CACNA2D3: variants seen among roughly 807,000 people sequenced by gnomAD.
CACNA2D3 encodes the protein voltage-dependent calcium channel subunit alpha-2/delta-3.
Under a neutral mutation model 160.6 loss-of-function variants are expected in CACNA2D3, and 60 were observed. That is an observed-to-expected ratio of 0.37 (90% CI 0.30 to 0.46). The LOEUF is 0.46. CACNA2D3 is among the 20% of genes least tolerant of loss of function. CACNA2D3 has a pLI of 1.00. For missense variants in CACNA2D3, 1,205 were observed against 1,365.0 expected (o/e 0.88, Z 1.85); for synonymous variants, 558 against 492.9 (o/e 1.13, Z -1.75).
At chr3:54,868,477 T>G (rs1237059942) in intron 17 of CACNA2D3, among the ~76,000 whole-genome samples, 1 of 152,196 alleles carries the variant, frequency 6.6e-6, no homozygotes, top group Non-Finnish European at 1.5e-5. Flanking sequence ...TCCAAGTATC[T>G]TGAATACCTT....
At chr3:54,924,644 G>T in intron 27 of CACNA2D3, 1 of 1,613,954 alleles carries the variant, frequency 6.2e-7, no homozygotes, top group African/African-American at 1.3e-5. Flanking sequence ...TCTCCAGCCA[G>T]AGTTTAAGAC....
intron 16 of CACNA2D3, among the ~76,000 whole-genome samples, chr3:54,844,320 A>G (rs1698886674): frequency 6.6e-6 from 1 of 152,124 alleles, no homozygotes; most frequent in South Asian, 2.1e-4. Context: ...AGGGATTTCC[A>G]TGGCATATTT....
In CACNA2D3 at chr3:54,387,658, A is replaced by ATAAATAAG. The variant is rs148311842; in HGVS notation, c.381+887_381+888insATAAGTAA. ...CAGAGTGAGAGTCTGTCTCAAATAA[A>ATAAATAAG]TAAGTAAGTAAGTAAGTAAGTAAGT... On this transcript the variant is annotated intron_variant, in intron 4 of 37. Transcript: ENST00000474759. Among the ~76,000 whole-genome samples, 970 of 151,260 alleles carry ATAAATAAG rather than the reference A, an allele frequency of 6.4e-3. 10 individuals are homozygous for ATAAATAAG. Among genetic ancestry groups the ATAAATAAG allele is most frequent in the African/African-American group, 0.023 (925 of 41,020 alleles).
intron 13 of CACNA2D3, among the ~76,000 whole-genome samples, chr3:54,806,507 G>A (rs1472240292): frequency 6.6e-6 from 1 of 151,736 alleles, no homozygotes; most frequent in Non-Finnish European, 1.5e-5. Context: ...GGATGTGAAG[G>A]ACCTCTTCAA....
At chr3:54,287,755 A>T (rs1033093402) in intron 2 of CACNA2D3, among the ~76,000 whole-genome samples, 1 of 148,534 alleles carries the variant, frequency 6.7e-6, no homozygotes, top group African/African-American at 2.5e-5. Context: ...TGAAACTAGA[A>T]CTCAGGATTA....
chr3:54,265,799 A>G (rs762229429), intron 2 of CACNA2D3, among the ~76,000 whole-genome samples: 1 of 151,700 alleles, frequency 6.6e-6, no homozygotes, highest in Non-Finnish European at 1.5e-5. Flanking sequence ...AAAAGGAAAC[A>G]AAGTATATCT....
chr3:54,253,319 G>GTTT (rs1702231864), intron 2 of CACNA2D3, among the ~76,000 whole-genome samples: 1 of 152,066 alleles, frequency 6.6e-6, no homozygotes, highest in Non-Finnish European at 1.5e-5. Context: ...GCTTCTGTAG[G>GTTT]TTTTACAGGA....
chr3:54,632,506 T>A (rs371944215), intron 10 of CACNA2D3: 1 of 152,218 alleles, frequency 6.6e-6, no homozygotes. Flanking sequence ...GAACAACCTG[T>A]TGAGAAGACC....
intron 11 of CACNA2D3, among the ~76,000 whole-genome samples, chr3:54,700,211 T>A (rs943823781): frequency 2.6e-5 from 4 of 152,242 alleles, no homozygotes; most frequent in Admixed American, 2.6e-4. Flanking sequence ...TCACGACTCA[T>A]GGAACATCTC....
chr3:55,067,477 T>G (rs947673804), intron 35 of CACNA2D3, among the ~76,000 whole-genome samples: 1 of 152,246 alleles, frequency 6.6e-6, no homozygotes, highest in African/African-American at 2.4e-5. Context: ...AAGAGTTTAC[T>G]TATCCTCGTT....
At chr3:54,161,248 C>A (rs372774169) in intron 2 of CACNA2D3, among the ~76,000 whole-genome samples, 4 of 152,204 alleles carry the variant, frequency 2.6e-5, no homozygotes, top group African/African-American at 9.7e-5. Context: ...CCCAACCCAT[C>A]TCCACTGAAC....
intron 11 of CACNA2D3, among the ~76,000 whole-genome samples, chr3:54,661,985 T>C (rs927750281): frequency 6.6e-6 from 1 of 152,138 alleles, no homozygotes; most frequent in Non-Finnish European, 1.5e-5. Context: ...CTGTTAATAT[T>C]TTCCTTAATG....
intron 35 of CACNA2D3, among the ~76,000 whole-genome samples, chr3:55,045,048 A>G (rs1004805593): frequency 2.0e-5 from 3 of 151,922 alleles, no homozygotes; most frequent in Non-Finnish European, 4.4e-5. Flanking sequence ...CTGTTGATAT[A>G]TAGTGGTTTT....
intron 35 of CACNA2D3, among the ~76,000 whole-genome samples, chr3:55,068,805 G>A (rs1036705434): frequency 2.3e-4 from 35 of 152,038 alleles, no homozygotes; most frequent in African/African-American, 6.0e-4. Flanking sequence ...TACAGTGAAC[G>A]TTGCTACCAA....
intron 5 of CACNA2D3, among the ~76,000 whole-genome samples, chr3:54,515,930 C>A (rs1305926885): frequency 6.6e-6 from 1 of 152,208 alleles, no homozygotes; most frequent in Non-Finnish European, 1.5e-5. Context: ...TTGTGAAGCA[C>A]CTGTTCCTGG....
intron 34 of CACNA2D3, among the ~76,000 whole-genome samples, chr3:55,011,851 G>A (rs1297278277): frequency 1.3e-5 from 2 of 152,040 alleles, no homozygotes; most frequent in East Asian, 1.9e-4. Context: ...TACTAAATGC[G>A]CACTTGGTTA....
intron 25 of CACNA2D3, among the ~76,000 whole-genome samples, chr3:54,895,991 T>G (rs889018882): frequency 6.6e-6 from 1 of 152,210 alleles, no homozygotes; most frequent in African/African-American, 2.4e-5. Flanking sequence ...AAAGGCTATA[T>G]GAAAGTTACC....
intron 4 of CACNA2D3, among the ~76,000 whole-genome samples, chr3:54,443,740 C>T (rs1261382931): frequency 6.6e-6 from 1 of 152,150 alleles, no homozygotes; most frequent in Non-Finnish European, 1.5e-5. Flanking sequence ...CGTCTCTTGC[C>T]ATGTCTTGTC....
At chr3:54,654,722 G>C (rs1356457695) in intron 11 of CACNA2D3, among the ~76,000 whole-genome samples, 1 of 152,160 alleles carries the variant, frequency 6.6e-6, no homozygotes, top group East Asian at 1.9e-4. Flanking sequence ...TTTTAGGAGG[G>C]AGTTCTGGGG....
Sources: gnomAD v4.1 joint callset for allele counts (sites outside exome capture counted in the v4.1 genomes callset) on GRCh38, gnomAD v4.1.1 for gene constraint, MANE v1.5 for transcripts, NCBI Gene and HGNC (gene_info 2026-07-23, HGNC 2026-07-21) for gene names.